The following PANX1 variants were observed in gnomAD, a reference collection of about 807,000 sequenced individuals.
The protein encoded by PANX1 is pannexin 1.
PANX1 carries 30 observed loss-of-function variants against 38.7 expected under a neutral mutation model. The observed-to-expected ratio is 0.78, with a 90% CI of 0.58 to 1.05. The LOEUF (loss-of-function observed/expected upper bound fraction) is 1.05. Among genes scored for constraint, PANX1 ranks in the 50% least tolerant of loss-of-function variants. The pLI, the probability that PANX1 is intolerant of heterozygous loss-of-function variation, is 0.00. For synonymous variants in PANX1, 230 were observed against 212.2 expected, an observed-to-expected ratio of 1.08 and a Z score of -0.73; for missense variants, 551 against 517.2, an observed-to-expected ratio of 1.07 and a Z score of -0.63.
At position 94,179,741 on chromosome 11, in the gene PANX1, A is replaced by G. The variant is rs761139322; in HGVS notation, c.685A>G (p.Ile229Val). 4 of 1,613,968 alleles carry G rather than the reference A, an allele frequency of 2.5e-6. No homozygotes were observed. In the African/African-American group the frequency reaches 4.0e-5, roughly 16 times the overall value. The change falls in exon 4 of 5, where the codon ATC becomes GTC. Residue 229 changes from isoleucine to valine, a missense_variant. Coordinates refer to ENST00000227638, the MANE Select transcript of PANX1 (RefSeq NM_015368.4). ...ACTCATCATTATACTGTTAGCGTGT[A>G]TCTACCTGGGCTATTACTTCAGCCT... ...LTLIIILLAC[I>V]YLGYYFSLSS...
In PANX1 at chr11:94,179,709, T is replaced by A; in HGVS notation, c.653T>A (p.Leu218Gln). The A allele has an allele frequency of 3.7e-6, 6 of 1,613,942 alleles. No homozygotes were observed. The highest frequency in any genetic ancestry group is 5.1e-6 in the Non-Finnish European group (6 of 1,179,924). The change falls in exon 4 of 5, where the codon CTG becomes CAG. Residue 218 changes from leucine to glutamine, a missense_variant. Leu to Gln is a moderately radical substitution (Grantham distance 113). Coordinates refer to ENST00000227638, the MANE Select transcript of PANX1 (RefSeq NM_015368.4). ...NLIIKYISCR[L>Q]LTLIIILLAC... ...ATCATCAAGTACATTAGCTGCCGCCTGCTGACACTCATCATTATACTGTTA... is the reference window on the plus strand; with the variant it reads ...ATCATCAAGTACATTAGCTGCCGCCAGCTGACACTCATCATTATACTGTTA...
intron 2 of PANX1, among the ~76,000 whole-genome samples, chr11:94,158,488 G>A (rs1309950793): frequency 6.6e-6 from 1 of 151,874 alleles, no homozygotes; most frequent in Middle Eastern, 3.4e-3. Context: ...GGATTCCTAG[G>A]TATTTTATTC....
intron 1 of PANX1, among the ~76,000 whole-genome samples, chr11:94,135,443 T>G (rs1946677872): frequency 6.6e-6 from 1 of 152,198 alleles, no homozygotes; most frequent in Admixed American, 6.5e-5. Flanking sequence ...GTGGCTGAAT[T>G]TAGACCTGTC....
intron 3 of PANX1, 66 bp from the exon 4 acceptor site, chr11:94,179,536 A>G (rs1565387019): frequency 1.7e-6 from 2 of 1,167,880 alleles, no homozygotes; most frequent in East Asian, 2.4e-5. Context: ...TTGAATGTGT[A>G]TCTGCCTTTA....
At chr11:94,167,300 T>C (rs1446304277) in intron 2 of PANX1, among the ~76,000 whole-genome samples, 3 of 152,226 alleles carry the variant, frequency 2.0e-5, no homozygotes, top group African/African-American at 7.2e-5. Context: ...TTCGTTGTTA[T>C]GTTAAAACCA....
chr11:94,143,485 T>C (rs2134482966), intron 1 of PANX1, among the ~76,000 whole-genome samples: 1 of 152,344 alleles, frequency 6.6e-6, no homozygotes, highest in South Asian at 2.1e-4. Flanking sequence ...CTAGTTCCCA[T>C]TTACTGAATT....
intron 1 of PANX1, among the ~76,000 whole-genome samples, chr11:94,137,000 C>T (rs1188850162): frequency 1.3e-5 from 2 of 151,748 alleles, no homozygotes; most frequent in Non-Finnish European, 2.9e-5. Context: ...GGAGCAGGAG[C>T]AAGAGAGAAT....
At chr11:94,158,654 A>C (rs1254532006) in intron 2 of PANX1, among the ~76,000 whole-genome samples, 2 of 152,176 alleles carry the variant, frequency 1.3e-5, no homozygotes, top group East Asian at 3.8e-4. Context: ...TTGGGCTGAG[A>C]CAATGGGGTT....
intron 2 of PANX1, among the ~76,000 whole-genome samples, chr11:94,164,315 A>G (rs1239611480): frequency 2.0e-5 from 3 of 152,022 alleles, no homozygotes; most frequent in Non-Finnish European, 4.4e-5. Context: ...AAGTCTTTCT[A>G]CTTTTTTGAT....
chr11:94,170,604 T>C (rs12417365), intron 2 of PANX1, among the ~76,000 whole-genome samples: 72,772 of 151,524 alleles, frequency 0.48, 18,164 homozygotes, highest in Admixed American at 0.58. Flanking sequence ...AAAGGTTTTC[T>C]TGTGGCTTCT....
At chr11:94,171,031 C>T (rs922700455) in intron 2 of PANX1, among the ~76,000 whole-genome samples, 6 of 151,686 alleles carry the variant, frequency 4.0e-5, no homozygotes, top group Admixed American at 3.9e-4. Flanking sequence ...TGGATACTGG[C>T]TATGCCTTCC....
At chr11:94,172,939 A>G (rs796557647) in intron 2 of PANX1, among the ~76,000 whole-genome samples, 1 of 151,738 alleles carries the variant, frequency 6.6e-6, no homozygotes, top group Admixed American at 6.6e-5. Context: ...GCACTCCAGA[A>G]TGTCACCCAG....
At chr11:94,163,216 A>G (rs1199868616) in intron 2 of PANX1, among the ~76,000 whole-genome samples, 1 of 152,136 alleles carries the variant, frequency 6.6e-6, no homozygotes, top group Non-Finnish European at 1.5e-5. Flanking sequence ...ATATTTGTGG[A>G]CTACATGTGA....
chr11:94,173,455 C>A (rs1181105218), intron 2 of PANX1, among the ~76,000 whole-genome samples: 1 of 151,570 alleles, frequency 6.6e-6, no homozygotes, highest in East Asian at 1.9e-4. Context: ...TTCAAAATTT[C>A]TCATCTTCTC....
At chr11:94,172,665 A>G (rs11020671) in intron 2 of PANX1, among the ~76,000 whole-genome samples, 47,850 of 151,310 alleles carry the variant, frequency 0.32, 8,222 homozygotes, top group Admixed American at 0.4. Flanking sequence ...CAAACCTGTA[A>G]TATTTACTCT....
At chr11:94,132,425 G>T (rs1946640550) in intron 1 of PANX1, among the ~76,000 whole-genome samples, 2 of 152,212 alleles carry the variant, frequency 1.3e-5, no homozygotes, top group Admixed American at 1.3e-4. Context: ...CCTGAGGCAG[G>T]ATTCCAAGTG....
chr11:94,155,526 A>C (rs1349029419), intron 2 of PANX1, among the ~76,000 whole-genome samples: 1 of 152,042 alleles, frequency 6.6e-6, no homozygotes, highest in Non-Finnish European at 1.5e-5. Context: ...AATAATAATA[A>C]AATAAATATA....
intron 2 of PANX1, among the ~76,000 whole-genome samples, chr11:94,169,224 T>A (rs1333848102): frequency 6.6e-6 from 1 of 151,562 alleles, no homozygotes; most frequent in East Asian, 1.9e-4. Context: ...TGAGGGCTGC[T>A]CCAACATGGA....
chr11:94,180,928 T>G lies in PANX1; in HGVS notation c.*59T>G. Reference sequence around the variant, plus strand: ...TCTGCGACATGGGATTTAATTTGGCTAAAGCACCCCTGTTGGTTTCACAGC... The same window carrying G: ...TCTGCGACATGGGATTTAATTTGGCGAAAGCACCCCTGTTGGTTTCACAGC... On this transcript the variant is annotated 3_prime_UTR_variant, in exon 5 of 5. Transcript: ENST00000227638. 1.3e-5 allele frequency: 13 copies of G among 968,374 alleles called. No individual in the cohort carries two copies. The highest frequency in any genetic ancestry group is 2.2e-5 in the Non-Finnish European group (13 of 591,888). The allele number at this position is 968,374 out of a possible 1,614,324, so 60.0% of individuals were successfully genotyped here.
Sources: allele counts gnomAD v4.1 joint callset (sites outside exome capture counted in the v4.1 genomes callset), GRCh38; gene constraint gnomAD v4.1.1; transcripts MANE v1.5; gene names NCBI Gene and HGNC (gene_info 2026-07-23, HGNC 2026-07-21).